The following LONP1 variants were observed in gnomAD, a reference collection of about 807,000 sequenced individuals.
LONP1 encodes the protein lon protease homolog, mitochondrial.
A neutral mutation model predicts 98.5 loss-of-function variants in LONP1; 31 were observed. That is an observed-to-expected ratio of 0.31 (90% CI 0.24 to 0.42). LONP1 has a LOEUF of 0.42. LONP1 is among the 20% of genes least tolerant of loss of function. LONP1 has a pLI of 1.00. For synonymous variants in LONP1, 781 were observed against 594.7 expected (o/e 1.31, Z -4.56); for missense variants, 1,336 against 1,350.6 (o/e 0.99, Z 0.17).
At chr19:5,706,310 A>AT (rs1195148983) in intron 7 of LONP1, among the ~76,000 whole-genome samples, 2 of 152,110 alleles carry the variant, frequency 1.3e-5, no homozygotes, top group Admixed American at 1.3e-4. Flanking sequence ...TAATTTTAAA[A>AT]TTTTTTGTAG....
rs554269824 is a variant in LONP1 at position 5,720,078 on chromosome 19, G to A, written c.55C>T (p.Leu19=). 7 of 1,495,956 alleles carry A rather than the reference G, an allele frequency of 4.7e-6. No individual in the cohort carries two copies. Among genetic ancestry groups the A allele is most frequent in the South Asian group, 1.3e-5 (1 of 79,612 alleles). 92.7% of individuals were successfully genotyped at this position (1,495,956 alleles called of 1,614,324 possible). ...GCGGCGGCCAGCATCGGCCGCCGCAGCACCCAGCACCGCGCCGCTCCCCAC... is the reference window on the plus strand; with the variant it reads ...GCGGCGGCCAGCATCGGCCGCCGCAACACCCAGCACCGCGCCGCTCCCCAC... ...RLWGAARCWV[L]RRPMLAAAGG... Residue 19 remains leucine, a synonymous_variant, in exon 1 of 18, where the codon CTG becomes TTG. Transcript: ENST00000360614.
Position 5,696,806 on chromosome 19 carries a change from C to A in LONP1, c.1686-49G>T, listed in dbSNP as rs552289191. The A allele has an allele frequency of 1.4e-5, 18 of 1,301,066 alleles. No individual in the cohort carries two copies. The South Asian group carries it at 1.9e-4, about 14-fold the overall frequency. 80.6% of individuals were successfully genotyped at this position (1,301,066 alleles called of 1,614,324 possible). ...AGGTCACTTGGTAGCCTGGCTCGGC[C>A]ACAACGACACCATGCACCCTCCAGG... is the stretch of plus-strand genomic sequence containing the variant. On this transcript the variant is annotated intron_variant, in intron 10 of 17. Transcript: ENST00000360614.
Position 5,700,844 on chromosome 19 carries a change from T to C in LONP1, c.1451A>G (p.Gln484Arg). 1.9e-6 allele frequency: 3 copies of C among 1,614,216 alleles called. No homozygotes were observed. The highest frequency in any genetic ancestry group is 2.5e-6 in the Non-Finnish European group (3 of 1,180,040). The change falls in exon 9 of 18, where the codon CAG becomes CGG. Residue 484 changes from glutamine to arginine, a missense_variant. This residue lies in a region of LONP1 where 219 missense variants were observed against 241.0 expected (regional missense o/e 0.91). Transcript: ENST00000360614. ...SNENLDLARA[Q>R]AVLEEDHYGM... ...GTAGTGGTCTTCCTCCAGCACTGCC[T>C]GTGCCCGCGCCAGGTCCAGGTTCTC...
upstream of LONP1, chr19:5,720,205 G>A (rs1460131778): frequency 2.9e-6 from 4 of 1,384,000 alleles, no homozygotes; most frequent in South Asian, 3.3e-5. Context: ...GACGCCCGGC[G>A]CGTGCCTCGG....
At position 5,693,220 on chromosome 19, in the gene LONP1, T is replaced by A. The variant is rs189120570; in HGVS notation, c.2703+78A>T. On this transcript the variant is annotated intron_variant, in intron 17 of 17. Coordinates refer to ENST00000360614, the MANE Select transcript of LONP1 (RefSeq NM_004793.4). ...TCCCTCTCCTTGGCCCAGGCAGAGG[T>A]TGCATGGCGGGGACTGGGCCTGTCC... 5.3e-6 allele frequency: 8 copies of A among 1,509,842 alleles called. 1 individual carries two copies. The South Asian group carries it at 1.0e-4, about 19-fold the overall frequency. The allele number at this position is 1,509,842 out of a possible 1,614,324, so 93.5% of individuals were successfully genotyped here. A position where few individuals can be genotyped will look rare whatever the true frequency, so the allele number is the denominator to read the frequency against.
chr19:5,717,774 G>A (rs1442037041), intron 1 of LONP1, among the ~76,000 whole-genome samples: 2 of 152,164 alleles, frequency 1.3e-5, no homozygotes, highest in East Asian at 1.9e-4. Context: ...CAGTGCAGTG[G>A]TGACACCATG....
chr19:5,705,652 C>G (rs1012796960), intron 8 of LONP1, 120 bp downstream of exon 8: 12 of 753,350 alleles, frequency 1.6e-5, no homozygotes, highest in Middle Eastern at 3.6e-4. Flanking sequence ...TGCCTCCCAG[C>G]CCGCACCTGC....
chr19:5,700,754 A>C (rs1346268686), intron 9 of LONP1, 35 bp downstream of exon 9: 1 of 1,612,052 alleles, frequency 6.2e-7, no homozygotes, highest in Non-Finnish European at 8.5e-7. Context: ...GGGCACCCAC[A>C]TGCAAATCCA....
intron 4 of LONP1, among the ~76,000 whole-genome samples, chr19:5,709,472 G>C (rs1421717544): frequency 3.3e-5 from 5 of 152,052 alleles, no homozygotes; most frequent in Non-Finnish European, 1.5e-5. Context: ...GTGCACTCCA[G>C]TCTGAGTGAC....
At chr19:5,713,336 A>G (rs538956797) in intron 2 of LONP1, 83 bp from the exon 3 acceptor site, 1 of 1,514,784 alleles carries the variant, frequency 6.6e-7, no homozygotes, top group Non-Finnish European at 9.1e-7. Flanking sequence ...GAGGAGGGAG[A>G]GAAAAGAAAC....
Position 5,696,034 on chromosome 19 carries a change from T to TGGGGA in LONP1, c.2013+15_2013+19dup. On this transcript the variant is annotated intron_variant, in intron 13 of 17. Transcript: ENST00000360614. ...CCCTGCTCTGGGAAGGGGACAGCAG[T>TGGGGA]GGGGAGGGGCTGGGCTTACCTCCGC... 6.2e-7 allele frequency: 1 copy of TGGGGA among 1,602,262 alleles called. No individual in the cohort carries two copies. The highest frequency in any genetic ancestry group is 1.1e-5 in the South Asian group (1 of 90,484).
chr19:5,714,393 C>G (rs1323237082), intron 1 of LONP1, 122 bp from the exon 2 acceptor site: 8 of 669,120 alleles, frequency 1.2e-5, no homozygotes, highest in Admixed American at 7.3e-5. Context: ...ACCTCCACCC[C>G]CACTGAGTTC....
intron 13 of LONP1, among the ~76,000 whole-genome samples, chr19:5,695,788 G>A (rs955969019): frequency 2.6e-5 from 4 of 152,248 alleles, no homozygotes; most frequent in Admixed American, 2.0e-4. Flanking sequence ...GGGGCAGCCT[G>A]GAGGCCCCGG....
At chr19:5,711,047 A>C (rs2145621918) in intron 4 of LONP1, among the ~76,000 whole-genome samples, 1 of 151,950 alleles carries the variant, frequency 6.6e-6, no homozygotes, top group Middle Eastern at 3.4e-3. Context: ...AGAAAAAAAA[A>C]AACCTCGCAG....
chr19:5,719,654 G>A lies in LONP1; in HGVS notation c.429+50C>T, dbSNP rs372193772. 4 of 1,612,712 alleles carry A rather than the reference G, an allele frequency of 2.5e-6. No individual in the cohort carries two copies. In the African/African-American group the frequency reaches 5.3e-5, roughly 22 times the overall value. On this transcript the variant is annotated intron_variant, in intron 1 of 17. Transcript: ENST00000360614. The stretch of plus-strand genomic sequence containing the variant: ...CTCAAGTGATCCCACGGTTCAGCCC[G>A]CTGCTTGCACAGGTGGGAAACCTGA...
intron 14 of LONP1, 22 bp downstream of exon 14, chr19:5,694,739 G>A: frequency 6.3e-7 from 1 of 1,583,660 alleles, no homozygotes; most frequent in Non-Finnish European, 8.6e-7. Context: ...GCAGGTGCCA[G>A]GAGGGCGGGC....
intron 8 of LONP1, among the ~76,000 whole-genome samples, chr19:5,702,866 G>C (rs902489357): frequency 6.6e-6 from 1 of 150,844 alleles, no homozygotes; most frequent in Non-Finnish European, 1.5e-5. Context: ...AAGTACCCAG[G>C]GACACAAACA....
At chr19:5,697,814 G>A (rs1022811199) in intron 10 of LONP1, among the ~76,000 whole-genome samples, 6 of 152,026 alleles carry the variant, frequency 3.9e-5, no homozygotes, top group South Asian at 4.2e-4. Flanking sequence ...CCGCAGCCCC[G>A]CTACCTGGTG....
rs1045100425 is a variant in LONP1 at position 5,711,886 on chromosome 19, G to A, written c.755C>T (p.Ala252Val). ...GKKEAEDELS[A>V]RHPAELAMEP... The stretch of plus-strand genomic sequence containing the variant: ...CATCGCCAGCTCCGCCGGGTGCCTG[G>A]CGCTCAGCTCGTCCTCCGCCTCCTT... The change falls in exon 4 of 18, where the codon GCC becomes GTC. Residue 252 changes from alanine (A) to valine (V), a missense_variant. Physicochemically the swap from Ala to Val is moderately conservative, Grantham distance 64. Around this residue, in one of 5 missense-constraint regions of LONP1, gnomAD observed 457 missense variants for 403.1 expected, o/e 1.13. Transcript: ENST00000360614. 1 of 1,612,934 alleles carries A rather than the reference G, an allele frequency of 6.2e-7. No homozygotes were observed. Among genetic ancestry groups the A allele is most frequent in the Non-Finnish European group, 8.5e-7 (1 of 1,179,992 alleles).
Sources: gnomAD v4.1 joint callset for allele counts (sites outside exome capture counted in the v4.1 genomes callset) on GRCh38, gnomAD v4.1.1 for gene constraint, gnomAD v4.1.1 regional missense constraint, MANE v1.5 for transcripts, NCBI Gene and HGNC (gene_info 2026-07-23, HGNC 2026-07-21) for gene names.